The following EML6 variants were observed in gnomAD, a reference collection of about 807,000 sequenced individuals.
EML6 encodes the protein echinoderm microtubule-associated protein-like 6.
Under a neutral mutation model 240.1 loss-of-function variants are expected in EML6, and 154 were observed. The ratio of observed to expected loss-of-function variants is 0.64; its 90% confidence interval spans 0.56 to 0.73. The LOEUF is 0.73. Ranked by LOEUF, EML6 falls within the 30% of genes least tolerant of loss-of-function variation. The pLI is 0.00. For synonymous variants in EML6, 1,148 were observed against 899.0 expected (o/e 1.28, Z -4.95); for missense variants, 2,964 against 2,474.6 (o/e 1.20, Z -4.20).
chr2:54,761,063 C>A (rs1667960677), intron 2 of EML6, among the ~76,000 whole-genome samples: 1 of 152,048 alleles, frequency 6.6e-6, no homozygotes, highest in Non-Finnish European at 1.5e-5. Context: ...ATTTCAGCTT[C>A]TCTGCTTTAT....
At chr2:54,823,878 T>TCTGTC in intron 5 of EML6, among the ~76,000 whole-genome samples, 1 of 129,198 alleles carries the variant, frequency 7.7e-6, no homozygotes, top group South Asian at 2.4e-4. Flanking sequence ...CTCTCTCTCT[T>TCTGTC]TCTGTCTCTC....
At chr2:54,932,180 C>G (rs1048856558) in intron 28 of EML6, among the ~76,000 whole-genome samples, 3 of 152,178 alleles carry the variant, frequency 2.0e-5, no homozygotes, top group Non-Finnish European at 2.9e-5. Context: ...CTACACCTAC[C>G]AGATATGTAA....
intron 28 of EML6, among the ~76,000 whole-genome samples, chr2:54,937,259 C>G (rs1300497646): frequency 2.1e-4 from 31 of 144,398 alleles, no homozygotes; most frequent in Admixed American, 2.1e-3. Context: ...GCCTGGGCAA[C>G]AAGAGCGAAA....
At chr2:54,884,872 C>G (rs184678294) in intron 17 of EML6, among the ~76,000 whole-genome samples, 1 of 152,056 alleles carries the variant, frequency 6.6e-6, no homozygotes, top group African/African-American at 2.4e-5. Flanking sequence ...GGAGATTTTC[C>G]TCCAATCAAG....
intron 18 of EML6, among the ~76,000 whole-genome samples, chr2:54,891,869 G>A (rs1672486566): frequency 6.6e-6 from 1 of 152,162 alleles, no homozygotes. Context: ...GGGAGTGTGG[G>A]GAAATGTGAA....
chr2:54,843,466 G>C (rs1669569571), intron 7 of EML6, among the ~76,000 whole-genome samples: 1 of 152,034 alleles, frequency 6.6e-6, no homozygotes, highest in Admixed American at 6.6e-5. Context: ...GAAACACATA[G>C]TTATCCTAAG....
At chr2:54,960,387 G>GT (rs1466531194) in intron 35 of EML6, 53 bp downstream of exon 35, 1 of 1,346,842 alleles carries the variant, frequency 7.4e-7, no homozygotes, top group Non-Finnish European at 1.0e-6. Context: ...GGAAGTGTAG[G>GT]TACCCTCCCA....
chr2:54,894,623 A>G (rs1270632903), intron 19 of EML6, among the ~76,000 whole-genome samples: 1 of 151,266 alleles, frequency 6.6e-6, no homozygotes, highest in East Asian at 1.9e-4. Context: ...TGGTTGGGAG[A>G]CTGGGCACAA....
At chr2:54,812,438 C>T (rs1444594058) in intron 2 of EML6, among the ~76,000 whole-genome samples, 1 of 151,890 alleles carries the variant, frequency 6.6e-6, no homozygotes, top group Non-Finnish European at 1.5e-5. Flanking sequence ...AGCTAGTTTG[C>T]TATATAGGTA....
rs374282023 is a variant in EML6, at chr2:54,784,703, T to A, written c.198-28529T>A. 7.9e-4 allele frequency among the ~76,000 whole-genome samples: 121 copies of A among 152,358 alleles called. 1 individual carries two copies. The highest frequency in any genetic ancestry group is 1.9e-3 in the African/African-American group (77 of 41,588). On this transcript the variant is annotated intron_variant, in intron 2 of 41. Coordinates refer to ENST00000356458, the MANE Select transcript of EML6 (RefSeq NM_001039753.4). ...TATTATATACTGTATTCTTTTTTTT[T>A]AAATTTATTTTAAGTTCCAGGATAC...
rs188572160 is a variant in EML6 at position 54,733,746 on chromosome 2, C to T, written c.197+8488C>T. Among the ~76,000 whole-genome samples the T allele has an allele frequency of 3.7e-4, 57 of 152,226 alleles. No individual in the cohort carries two copies. In the East Asian group the frequency reaches 0.01, roughly 28 times the overall value. ...TCTTTTGAGTCTTAATTCCAAATTC[C>T]CAGGAAAGAGAATCGAATTGCTCTA... On this transcript the variant is annotated intron_variant, in intron 2 of 41. Transcript: ENST00000356458.
chr2:54,962,794 C>T (rs1466706535), intron 36 of EML6, 83 bp downstream of exon 36: 6 of 1,210,486 alleles, frequency 5.0e-6, no homozygotes, highest in Admixed American at 3.7e-5. Flanking sequence ...GCCCAGCCAG[C>T]GTCATGGCAG....
chr2:54,844,881 G>A (rs149656045), intron 8 of EML6, among the ~76,000 whole-genome samples: 16 of 152,226 alleles, frequency 1.1e-4, no homozygotes, highest in African/African-American at 3.1e-4. Flanking sequence ...CCTATTAAAG[G>A]AATGAACATA....
intron 2 of EML6, among the ~76,000 whole-genome samples, chr2:54,752,183 T>C (rs1236090855): frequency 6.6e-6 from 1 of 152,162 alleles, no homozygotes; most frequent in African/African-American, 2.4e-5. Context: ...TAAAAGTTAC[T>C]TTTTTTCCAC....
intron 2 of EML6, among the ~76,000 whole-genome samples, chr2:54,735,456 A>T (rs1460546723): frequency 6.6e-6 from 1 of 152,238 alleles, no homozygotes; most frequent in Non-Finnish European, 1.5e-5. Context: ...CAAAAATATT[A>T]TTCTCAGCTG....
intron 28 of EML6, among the ~76,000 whole-genome samples, chr2:54,933,866 A>G (rs554876510): frequency 2.0e-5 from 3 of 152,326 alleles, no homozygotes; most frequent in South Asian, 4.2e-4. Context: ...TGAGAGTACT[A>G]TGAAATTTTC....
At chr2:54,933,089 C>T (rs1046093668) in intron 28 of EML6, among the ~76,000 whole-genome samples, 1 of 152,058 alleles carries the variant, frequency 6.6e-6, no homozygotes, top group Non-Finnish European at 1.5e-5. Context: ...TATTACAGTT[C>T]TTCAGGTAGA....
At chr2:54,813,819 T>C (rs539794239) in intron 3 of EML6, among the ~76,000 whole-genome samples, 2 of 152,354 alleles carry the variant, frequency 1.3e-5, no homozygotes, top group East Asian at 3.9e-4. Flanking sequence ...CTGAGAAGAT[T>C]ATCCTTGACT....
intron 17 of EML6, among the ~76,000 whole-genome samples, chr2:54,883,232 T>G (rs1369164730): frequency 6.6e-6 from 1 of 152,248 alleles, no homozygotes; most frequent in African/African-American, 2.4e-5. Flanking sequence ...GTATTTGTAT[T>G]CATTTTTATT....
Sources: allele counts gnomAD v4.1 joint callset (sites outside exome capture counted in the v4.1 genomes callset), GRCh38; gene constraint gnomAD v4.1.1; transcripts MANE v1.5; gene names NCBI Gene and HGNC (gene_info 2026-07-23, HGNC 2026-07-21).